The following PSD3 variants were observed in gnomAD, a reference collection of about 807,000 sequenced individuals.
The protein encoded by PSD3 is pleckstrin and Sec7 domain containing 3, also known as PH and SEC7 domain-containing protein 3.
In PSD3, 49 loss-of-function variants were observed where a neutral mutation model predicts 105.5. That is an observed-to-expected ratio of 0.46 (90% confidence interval 0.37 to 0.59). The LOEUF is 0.59. PSD3 is among the 20% of genes least tolerant of loss of function. PSD3 has a pLI of 0.00. For synonymous variants in PSD3, 557 were observed against 457.8 expected (o/e 1.22, Z -2.77); for missense variants, 1,561 against 1,263.8 (o/e 1.24, Z -3.57).
intron 11 of PSD3, among the ~76,000 whole-genome samples, chr8:18,604,181 A>T (rs1585361306): frequency 1.3e-5 from 2 of 152,342 alleles, no homozygotes; most frequent in South Asian, 4.1e-4. Context: ...ATGAATGGTT[A>T]TGACCAAAAT....
At chr8:18,782,122 G>A (rs900624726) in intron 8 of PSD3, among the ~76,000 whole-genome samples, 1 of 151,658 alleles carries the variant, frequency 6.6e-6, no homozygotes, top group African/African-American at 2.4e-5. Flanking sequence ...TGTAGTACCT[G>A]GGTTTTCAGA....
At chr8:18,667,104 G>A (rs750019305) in intron 9 of PSD3, among the ~76,000 whole-genome samples, 56 of 152,112 alleles carry the variant, frequency 3.7e-4, no homozygotes, top group Non-Finnish European at 8.1e-4. Context: ...AAGGCAGTGT[G>A]GAAGGGGACC....
intron 9 of PSD3, among the ~76,000 whole-genome samples, chr8:18,675,755 C>T (rs1800032784): frequency 6.6e-6 from 1 of 152,110 alleles, no homozygotes; most frequent in South Asian, 2.1e-4. Context: ...GCTTAAAAAT[C>T]TTAATTAAAA....
intron 1 of PSD3, among the ~76,000 whole-genome samples, chr8:18,996,661 C>T (rs1354859649): frequency 6.6e-5 from 10 of 151,890 alleles, no homozygotes; most frequent in African/African-American, 2.2e-4. Context: ...CATGCTGTTA[C>T]TTCCTGCATT....
At chr8:18,796,673 C>G (rs1810206132) in intron 8 of PSD3, among the ~76,000 whole-genome samples, 1 of 152,202 alleles carries the variant, frequency 6.6e-6, no homozygotes. Context: ...AGAGGGGAGT[C>G]AGACCTCCTC....
intron 9 of PSD3, among the ~76,000 whole-genome samples, chr8:18,664,886 G>A (rs1468202100): frequency 6.6e-6 from 1 of 152,180 alleles, no homozygotes; most frequent in East Asian, 1.9e-4. Context: ...TAACAACAAA[G>A]CCAGGATGGC....
chr8:18,999,558 A>C (rs1168283949), intron 1 of PSD3, among the ~76,000 whole-genome samples: 3 of 151,946 alleles, frequency 2.0e-5, no homozygotes, highest in African/African-American at 7.3e-5. Flanking sequence ...GCATAATGAG[A>C]GAGAGAGGTG....
chr8:18,550,480 A>G lies in PSD3; in HGVS notation c.2928+5729T>C, dbSNP rs957764698. Among the ~76,000 whole-genome samples the G allele has an allele frequency of 5.9e-5, 9 of 152,222 alleles. No individual in the cohort carries two copies. In the South Asian group the frequency reaches 6.2e-4, roughly 10 times the overall value. On this transcript the variant is annotated intron_variant, in intron 15 of 15. Transcript: ENST00000327040. ...TAATACAGAATCTCTTTGACTTGCA[A>G]TAGGGTTATATCCCAGATAAACCCA...
At chr8:18,567,397 G>A (rs1032759242) in intron 14 of PSD3, among the ~76,000 whole-genome samples, 9 of 152,080 alleles carry the variant, frequency 5.9e-5, no homozygotes, top group Admixed American at 2.6e-4. Flanking sequence ...TTAAAGCAGA[G>A]AAATGCATTT....
At chr8:18,757,505 C>T (rs563492817) in intron 9 of PSD3, among the ~76,000 whole-genome samples, 1 of 152,206 alleles carries the variant, frequency 6.6e-6, no homozygotes, top group East Asian at 1.9e-4. Flanking sequence ...AGAGAAAATT[C>T]AGATTCTACT....
chr8:18,914,662 G>C (rs191774885), intron 2 of PSD3, among the ~76,000 whole-genome samples: 1 of 152,136 alleles, frequency 6.6e-6, no homozygotes. Flanking sequence ...CCAAGAGAGT[G>C]AATGACCTAT....
At position 19,011,324 on chromosome 8, in the gene PSD3, T is replaced by C. The variant is rs114598672; in HGVS notation, c.21+2239A>G. 4.0e-3 allele frequency among the ~76,000 whole-genome samples: 604 copies of C among 152,274 alleles called. 5 individuals carry two copies. Among genetic ancestry groups the C allele is most frequent in the African/African-American group, 0.013 (557 of 41,544 alleles). On this transcript the variant is annotated intron_variant, in intron 1 of 15. Coordinates refer to ENST00000327040, the MANE Select transcript of PSD3 (RefSeq NM_015310.4). Reference sequence around the variant, plus strand: ...TGAATAATGCATGACAAATCACACCTGAATTTCTATAAAAGAAAAAAAATC... The same window carrying C: ...TGAATAATGCATGACAAATCACACCCGAATTTCTATAAAAGAAAAAAAATC...
intron 10 of PSD3, among the ~76,000 whole-genome samples, chr8:18,640,466 C>A (rs1317844643): frequency 6.6e-6 from 1 of 152,112 alleles, no homozygotes; most frequent in East Asian, 1.9e-4. Flanking sequence ...CAGTTTCCCC[C>A]AGGCTACTCG....
chr8:18,960,083 G>T (rs1393063053), intron 1 of PSD3, among the ~76,000 whole-genome samples: 1 of 152,118 alleles, frequency 6.6e-6, no homozygotes, highest in Non-Finnish European at 1.5e-5. Flanking sequence ...TAATGCCTGG[G>T]CACTGTTTTG....
At chr8:18,796,928 T>C (rs2068221057) in intron 8 of PSD3, among the ~76,000 whole-genome samples, 1 of 152,166 alleles carries the variant, frequency 6.6e-6, no homozygotes, top group African/African-American at 2.4e-5. Context: ...AAATAATTCA[T>C]TTTATCTCCT....
intron 10 of PSD3, among the ~76,000 whole-genome samples, chr8:18,643,129 T>A (rs1384164650): frequency 6.6e-6 from 1 of 152,154 alleles, no homozygotes; most frequent in Non-Finnish European, 1.5e-5. Context: ...AAGTCCAAAG[T>A]CAAGGGTCCT....
chr8:18,798,573 G>T (rs186125699), intron 8 of PSD3, among the ~76,000 whole-genome samples: 6 of 151,748 alleles, frequency 4.0e-5, no homozygotes, highest in Non-Finnish European at 7.4e-5. Context: ...GATATATTAC[G>T]GCAAATCAAG....
chr8:19,013,878 G>A (rs181305734), upstream of PSD3, among the ~76,000 whole-genome samples: 2 of 150,426 alleles, frequency 1.3e-5, no homozygotes, highest in East Asian at 2.0e-4. Context: ...GCCTCGGGGA[G>A]GGGGGAGGTG....
intron 1 of PSD3, among the ~76,000 whole-genome samples, chr8:19,039,944 T>C (rs926625006): frequency 6.6e-6 from 1 of 152,068 alleles, no homozygotes; most frequent in Non-Finnish European, 1.5e-5. Context: ...TGAAGAAAAA[T>C]GAAGCAGGTT....
Sources: allele counts gnomAD v4.1 joint callset (sites outside exome capture counted in the v4.1 genomes callset), GRCh38; gene constraint gnomAD v4.1.1; transcripts MANE v1.5; gene names NCBI Gene and HGNC (gene_info 2026-07-23, HGNC 2026-07-21).